Variants in FOCAD observed in about 807,000 individuals in gnomAD.
FOCAD encodes the protein KIAA1797.
A neutral mutation model predicts 225.6 loss-of-function variants in FOCAD; 198 were observed. That is an observed-to-expected ratio of 0.88 (90% CI 0.78 to 0.99). The LOEUF is 0.99. Among genes scored for constraint, FOCAD ranks in the 50% least tolerant of loss-of-function variants. The pLI is 0.00. For missense variants in FOCAD, 2,713 were observed against 2,123.6 expected, an observed-to-expected ratio of 1.28 and a Z score of -5.46; for synonymous variants, 897 against 755.0, an observed-to-expected ratio of 1.19 and a Z score of -3.08.
intron 10 of FOCAD, among the ~76,000 whole-genome samples, chr9:20,785,425 C>T (rs1819816321): frequency 6.6e-6 from 1 of 152,144 alleles, no homozygotes; most frequent in African/African-American, 2.4e-5. Context: ...ACCCCTCAGG[C>T]TAGGCAGTCC....
intron 18 of FOCAD, chr9:20,873,881 A>G (rs912594252): frequency 1.3e-5 from 2 of 151,992 alleles, no homozygotes; most frequent in Admixed American, 1.3e-4. Context: ...GGTTATAGAA[A>G]CCACTTTTAT....
At chr9:20,922,883 G>C (rs1448583615) in intron 24 of FOCAD, among the ~76,000 whole-genome samples, 1 of 152,180 alleles carries the variant, frequency 6.6e-6, no homozygotes, top group African/African-American at 2.4e-5. Flanking sequence ...TGGAATTATG[G>C]AATAATATTA....
intron 10 of FOCAD, among the ~76,000 whole-genome samples, chr9:20,783,726 TA>T (rs958642139): frequency 2.6e-5 from 4 of 151,404 alleles, no homozygotes; most frequent in Non-Finnish European, 5.9e-5. Flanking sequence ...TTAAAAAAAG[TA>T]AAAAAAATTG....
chr9:20,802,012 G>A (rs11789552), intron 11 of FOCAD, among the ~76,000 whole-genome samples: 1,666 of 152,170 alleles, frequency 0.011, 10 homozygotes, highest in Non-Finnish European at 0.015. Context: ...AGACTCTTAG[G>A]CAAGTTTTCA....
chr9:20,952,911 C>T (rs1438828308), intron 34 of FOCAD, 74 bp from the exon 35 acceptor site: 1 of 1,150,922 alleles, frequency 8.7e-7, no homozygotes, highest in East Asian at 2.4e-5. Context: ...GATATGGCAG[C>T]ATGAGATCAT....
intron 28 of FOCAD, among the ~76,000 whole-genome samples, chr9:20,939,573 A>G (rs1436475552): frequency 6.6e-6 from 1 of 152,178 alleles, no homozygotes; most frequent in Non-Finnish European, 1.5e-5. Flanking sequence ...CCCACCATAC[A>G]GATACTGAGG....
At chr9:20,898,769 G>A (rs1159877012) in intron 21 of FOCAD, among the ~76,000 whole-genome samples, 5 of 151,758 alleles carry the variant, frequency 3.3e-5, no homozygotes, top group African/African-American at 1.2e-4. Context: ...TTACCTTTTA[G>A]TCTTCCTTGT....
intron 8 of FOCAD, 113 bp downstream of exon 8, chr9:20,770,351 A>G (rs1348691501): frequency 3.2e-6 from 3 of 943,188 alleles, no homozygotes; most frequent in Non-Finnish European, 4.8e-6. Context: ...CAGGCTGTAC[A>G]GGATGCATGG....
At chr9:20,766,251 A>T (rs916321169) in intron 7 of FOCAD, among the ~76,000 whole-genome samples, 2 of 152,194 alleles carry the variant, frequency 1.3e-5, no homozygotes, top group African/African-American at 4.8e-5. Flanking sequence ...CCTAACAGTT[A>T]TGTAAGAAAA....
intron 1 of FOCAD, among the ~76,000 whole-genome samples, chr9:20,694,999 C>G (rs973453457): frequency 1.3e-5 from 2 of 152,084 alleles, no homozygotes; most frequent in African/African-American, 2.4e-5. Flanking sequence ...CTGTACAATC[C>G]CTCCACTCCT....
intron 20 of FOCAD, 119 bp from the exon 21 acceptor site, chr9:20,884,990 C>T (rs947373942): frequency 3.6e-5 from 15 of 412,448 alleles, no homozygotes; most frequent in South Asian, 1.9e-4. Context: ...ACCCAGGCGG[C>T]GGAGGTTGCA....
At chr9:20,794,502 CAG>C (rs1344830688) in intron 11 of FOCAD, among the ~76,000 whole-genome samples, 4 of 152,076 alleles carry the variant, frequency 2.6e-5, no homozygotes, top group Non-Finnish European at 4.4e-5. Context: ...GTGAAAGAAA[CAG>C]AGAAAATGAA....
At chr9:20,757,879 T>G (rs1389221673) in intron 5 of FOCAD, among the ~76,000 whole-genome samples, 4 of 152,162 alleles carry the variant, frequency 2.6e-5, no homozygotes, top group African/African-American at 9.6e-5. Context: ...CATTTTGTTT[T>G]CTGCAAAAAT....
At chr9:20,656,662 T>A (rs1821485526), upstream of FOCAD, among the ~76,000 whole-genome samples, 1 of 152,140 alleles carries the variant, frequency 6.6e-6, no homozygotes, top group Non-Finnish European at 1.5e-5. Context: ...ATTTTGAGCC[T>A]ATGTGTGTCT....
At chr9:20,698,380 A>G (rs1053453421) in intron 1 of FOCAD, among the ~76,000 whole-genome samples, 5 of 151,612 alleles carry the variant, frequency 3.3e-5, no homozygotes, top group African/African-American at 7.3e-5. Flanking sequence ...ACACACACGC[A>G]CACACACACA....
chr9:20,836,555 CTT>C (rs560286403), intron 15 of FOCAD, among the ~76,000 whole-genome samples: 3 of 152,000 alleles, frequency 2.0e-5, no homozygotes, highest in Admixed American at 1.3e-4. Flanking sequence ...CATGAAAACT[CTT>C]TTTGTACATT....
chr9:20,770,047 C>T lies in FOCAD; in HGVS notation c.715C>T (p.Gln239Ter). 1.2e-6 allele frequency: 2 copies of T among 1,613,782 alleles called. No individual in the cohort carries two copies. The highest frequency in any genetic ancestry group is 1.7e-6 in the Non-Finnish European group (2 of 1,179,784). The change falls in exon 8 of 44, where the codon CAG becomes TAG. Residue 239 changes from glutamine (Q) to a stop codon, truncating the protein, a stop_gained. Coordinates refer to ENST00000338382, the MANE Select transcript of FOCAD (RefSeq NM_001375567.1). LOFTEE classifies it high-confidence loss of function. Reference protein sequence around the residue: ...VPCLQVKDLIQTTEAMMFIEE... With the variant: ...VPCLQVKDLI ...TTTTAAACAGGTAAAAGATTTGATA[C>T]AGACAACAGAGGCGATGATGTTTAT... is the stretch of plus-strand genomic sequence containing the variant.
At chr9:20,966,053 G>C (rs1032464763) in intron 35 of FOCAD, among the ~76,000 whole-genome samples, 9 of 152,126 alleles carry the variant, frequency 5.9e-5, no homozygotes, top group African/African-American at 2.2e-4. Flanking sequence ...TATATATCTA[G>C]AAGTGGAATT....
At chr9:20,883,124 A>G (rs1014440859) in intron 20 of FOCAD, among the ~76,000 whole-genome samples, 2 of 152,232 alleles carry the variant, frequency 1.3e-5, no homozygotes, top group Non-Finnish European at 2.9e-5. Flanking sequence ...GTTCTTTCAT[A>G]TACTGCACTA....
Sources: allele counts gnomAD v4.1 joint callset (sites outside exome capture counted in the v4.1 genomes callset), GRCh38; gene constraint gnomAD v4.1.1; transcripts MANE v1.5; gene names NCBI Gene and HGNC (gene_info 2026-07-23, HGNC 2026-07-21).